The following ZNF804B variants were observed in gnomAD, a reference collection of about 807,000 sequenced individuals.
ZNF804B encodes zinc finger 804B.
In ZNF804B, 80 loss-of-function variants were observed where a neutral mutation model predicts 101.4. The observed-to-expected ratio is 0.79, with a 90% CI of 0.66 to 0.95. The LOEUF (loss-of-function observed/expected upper bound fraction) is 0.95, where lower values mean the gene tolerates loss of function less well. Ranked by LOEUF, ZNF804B falls within the 40% of genes least tolerant of loss-of-function variation. The pLI is 0.00. For missense variants in ZNF804B, 1,673 were observed against 1,561.9 expected, an observed-to-expected ratio of 1.07 and a Z score of -1.20; for synonymous variants, 622 against 558.8, an observed-to-expected ratio of 1.11 and a Z score of -1.59.
chr7:89,054,561 G>A (rs1212058550), intron 1 of ZNF804B, among the ~76,000 whole-genome samples: 1 of 151,912 alleles, frequency 6.6e-6, no homozygotes, highest in Non-Finnish European at 1.5e-5. Context: ...GAAGGAAAGA[G>A]GAACAAGAAG....
chr7:89,097,939 C>T (rs1165418957), intron 1 of ZNF804B, among the ~76,000 whole-genome samples: 1 of 152,088 alleles, frequency 6.6e-6, no homozygotes, highest in Non-Finnish European at 1.5e-5. Context: ...CTTATTATGT[C>T]ATATTGCTTA....
intron 1 of ZNF804B, among the ~76,000 whole-genome samples, chr7:89,197,566 A>G (rs1368620162): frequency 6.6e-6 from 1 of 151,808 alleles, no homozygotes; most frequent in African/African-American, 2.4e-5. Flanking sequence ...TTTTCATATT[A>G]TCTACTTTTT....
chr7:88,920,741 A>T, intron 1 of ZNF804B, among the ~76,000 whole-genome samples: 1 of 152,070 alleles, frequency 6.6e-6, no homozygotes, highest in Non-Finnish European at 1.5e-5. Context: ...TCTAGTAAAA[A>T]AACTCATTTT....
rs544144301 is a variant in ZNF804B at position 88,912,936 on chromosome 7, A to T, written c.108+152852A>T. On this transcript the variant is annotated intron_variant, in intron 1 of 3. Transcript: ENST00000333190. The stretch of plus-strand genomic sequence containing the variant: ...AACAACTAAAGAAAACTAGAAAAGG[A>T]AAGAGTAGTATTTACAAGATATTTT... Among the ~76,000 whole-genome samples the T allele has an allele frequency of 2.6e-5, 4 of 152,338 alleles. No individual in the cohort carries two copies. In the South Asian group the frequency reaches 8.3e-4, roughly 32 times the overall value.
chr7:88,878,704 T>C (rs10235135), intron 1 of ZNF804B, among the ~76,000 whole-genome samples: 4,387 of 152,282 alleles, frequency 0.029, 228 homozygotes, highest in African/African-American at 0.1. Context: ...TGTACTTTTA[T>C]GCTGAAGGCT....
rs558858535 is a variant in ZNF804B at position 89,334,234 on chromosome 7, G to C, written c.1252G>C (p.Glu418Gln). Residue 418 changes from glutamate to glutamine, a missense_variant, in exon 4 of 4, where the codon GAA becomes CAA. Glu to Gln is a conservative substitution (Grantham distance 29). Coordinates refer to ENST00000333190, the MANE Select transcript of ZNF804B (RefSeq NM_181646.5). ...ENREKSLDKT[E>Q]RVSKNVQRLV... ...CAGAGAAAAATCTTTAGATAAAACA[G>C]AAAGAGTTAGCAAAAATGTTCAAAG... The C allele has an allele frequency of 1.9e-5, 31 of 1,613,494 alleles. No homozygotes were observed. The Admixed American group carries it at 5.2e-4, about 27-fold the overall frequency.
chr7:89,185,438 A>G (rs1281954360), intron 1 of ZNF804B, among the ~76,000 whole-genome samples: 1 of 152,196 alleles, frequency 6.6e-6, no homozygotes, highest in Non-Finnish European at 1.5e-5. Flanking sequence ...CCTGTGCCAT[A>G]GTAACTCTGA....
chr7:89,148,770 C>T (rs926948751), intron 1 of ZNF804B, among the ~76,000 whole-genome samples: 1 of 152,048 alleles, frequency 6.6e-6, no homozygotes, highest in Non-Finnish European at 1.5e-5. Context: ...CCTAGAAAAT[C>T]TAATAAATTA....
chr7:89,210,760 G>T (rs1788790995), intron 1 of ZNF804B, among the ~76,000 whole-genome samples: 1 of 152,148 alleles, frequency 6.6e-6, no homozygotes, highest in Non-Finnish European at 1.5e-5. Context: ...GGGCATTTGA[G>T]TTGATTCCAT....
At chr7:88,771,565 C>T (rs893984225) in intron 1 of ZNF804B, among the ~76,000 whole-genome samples, 3 of 152,032 alleles carry the variant, frequency 2.0e-5, no homozygotes, top group Non-Finnish European at 2.9e-5. Flanking sequence ...GGATAGGTAA[C>T]TGCACAACGT....
In ZNF804B at chr7:89,335,362, G is replaced by A. The variant is rs761704777; in HGVS notation, c.2380G>A (p.Glu794Lys). The change falls in exon 4 of 4, where the codon GAA becomes AAA. Residue 794 changes from glutamate to lysine, a missense_variant. Physicochemically the swap from Glu to Lys is moderately conservative, Grantham distance 56. Transcript: ENST00000333190. ...CAAATTGTGGGAATCATTTAAAAAT[G>A]AAAAATACTCAAAACGTAGATATTG... ...NCKLWESFKN[E>K]KYSKRRYCHC... The A allele has an allele frequency of 1.2e-6, 2 of 1,613,604 alleles. No individual in the cohort carries two copies. Among genetic ancestry groups the A allele is most frequent in the Non-Finnish European group, 1.7e-6 (2 of 1,179,882 alleles).
At chr7:88,925,959 G>A (rs889274180) in intron 1 of ZNF804B, among the ~76,000 whole-genome samples, 2 of 152,118 alleles carry the variant, frequency 1.3e-5, no homozygotes, top group African/African-American at 4.8e-5. Flanking sequence ...GAAGGCTTGG[G>A]GAAGAAAATC....
In ZNF804B at chr7:89,216,259, G is replaced by A. The variant is rs188834107; in HGVS notation, c.109-1896G>A. 3.8e-3 allele frequency among the ~76,000 whole-genome samples: 578 copies of A among 152,316 alleles called. 3 individuals carry two copies. Among genetic ancestry groups the A allele is most frequent in the African/African-American group, 0.013 (555 of 41,576 alleles). ...GGAGGGGGAGGTCGCGGTGAGCCGA[G>A]ATCGCGCCATTGCACTCCAGCCTGC... On this transcript the variant is annotated intron_variant, in intron 1 of 3. Coordinates refer to ENST00000333190, the MANE Select transcript of ZNF804B (RefSeq NM_181646.5).
chr7:89,091,157 A>G (rs559782734), intron 1 of ZNF804B, among the ~76,000 whole-genome samples: 1 of 152,254 alleles, frequency 6.6e-6, no homozygotes, highest in South Asian at 2.1e-4. Flanking sequence ...TTAGCAAACC[A>G]CAGCATATCT....
At chr7:89,273,646 T>G (rs1789932475) in intron 2 of ZNF804B, among the ~76,000 whole-genome samples, 1 of 152,152 alleles carries the variant, frequency 6.6e-6, no homozygotes, top group Admixed American at 6.6e-5. Context: ...TATTTTATAT[T>G]TATGAAGCTT....
intron 1 of ZNF804B, among the ~76,000 whole-genome samples, chr7:89,162,732 C>G (rs1015205597): frequency 1.3e-5 from 2 of 150,634 alleles, no homozygotes; most frequent in African/African-American, 4.9e-5. Flanking sequence ...TATACATGTG[C>G]CATGCTGGTG....
intron 1 of ZNF804B, among the ~76,000 whole-genome samples, chr7:89,207,074 A>G (rs780215222): frequency 2.5e-4 from 38 of 152,190 alleles, no homozygotes; most frequent in Non-Finnish European, 1.3e-4. Flanking sequence ...AGAAAGTTCC[A>G]TACTTTCCCA....
chr7:89,271,659 T>A (rs1291625428), intron 2 of ZNF804B, among the ~76,000 whole-genome samples: 3 of 152,216 alleles, frequency 2.0e-5, no homozygotes, highest in Non-Finnish European at 4.4e-5. Context: ...AGCTCCTCTT[T>A]GTACCTCTGG....
At chr7:89,297,055 C>T (rs1790395246) in intron 2 of ZNF804B, among the ~76,000 whole-genome samples, 1 of 152,062 alleles carries the variant, frequency 6.6e-6, no homozygotes, top group Non-Finnish European at 1.5e-5. Context: ...CATAGCCCCT[C>T]AGCTGTAAAT....
Sources: allele counts gnomAD v4.1 joint callset (sites outside exome capture counted in the v4.1 genomes callset), GRCh38; gene constraint gnomAD v4.1.1; transcripts MANE v1.5; gene names NCBI Gene and HGNC (gene_info 2026-07-23, HGNC 2026-07-21).